C17orf107: variants seen among roughly 807,000 people sequenced by gnomAD.
C17orf107 encodes the protein uncharacterized protein C17orf107.
C17orf107 carries 9 observed loss-of-function variants against 8.9 expected under a neutral mutation model. The ratio of observed to expected loss-of-function variants is 1.02; its 90% CI spans 0.61 to 1.77. The LOEUF is 1.77. C17orf107 is among the 40% of genes most tolerant of loss of function. The pLI, the probability that C17orf107 is intolerant of heterozygous loss-of-function variation, is 0.00. For synonymous variants in C17orf107, 139 were observed against 120.3 expected (o/e 1.16, Z -1.02); for missense variants, 281 against 249.0 (o/e 1.13, Z -0.86).
At position 4,899,574 on chromosome 17, in the gene C17orf107, A is replaced by C; in HGVS notation, c.-189A>C. 6.3e-7 allele frequency: 1 copy of C among 1,586,328 alleles called. No individual in the cohort carries two copies. Reference sequence around the variant, plus strand: ...GAGCGTGGCGACCACCATGACGAAAATAAGGAACCTGAGGAGCCCGGAAGG... The same window carrying C: ...GAGCGTGGCGACCACCATGACGAAACTAAGGAACCTGAGGAGCCCGGAAGG... On this transcript the variant is annotated 5_prime_UTR_variant, in exon 1 of 3. Transcript: ENST00000381365.
Position 4,901,849 on chromosome 17 carries a change from A to G in C17orf107, c.*1316A>G. The G allele has an allele frequency of 6.4e-7, 1 of 1,563,066 alleles. No individual in the cohort carries two copies. Among genetic ancestry groups the G allele is most frequent in the Admixed American group, 1.7e-5 (1 of 59,238 alleles). Reference sequence around the variant, plus strand: ...GCCTCCAGCGCGAAGCCCCGCCCCGAGGGCGGTGCTTCCCGGTTGGCCCCG... The same window carrying G: ...GCCTCCAGCGCGAAGCCCCGCCCCGGGGGCGGTGCTTCCCGGTTGGCCCCG... On this transcript the variant is annotated 3_prime_UTR_variant, in exon 3 of 3. Transcript: ENST00000381365.
Position 4,900,892 on chromosome 17 carries a change from C to A in C17orf107, c.*359C>A, listed in dbSNP as rs745821689. The A allele has an allele frequency of 1.2e-6, 2 of 1,614,182 alleles. No individual in the cohort carries two copies. Among genetic ancestry groups the A allele is most frequent in the South Asian group, 2.2e-5 (2 of 91,092 alleles). On this transcript the variant is annotated 3_prime_UTR_variant, in exon 3 of 3. Coordinates refer to ENST00000381365, the MANE Select transcript of C17orf107 (RefSeq NM_001145536.2). Reference sequence around the variant, plus strand: ...GAGCAGGACGTTGATGGAGACCGTGCATTTCTGGCCGCCGGCTGGAGGGAG... The same window carrying A: ...GAGCAGGACGTTGATGGAGACCGTGAATTTCTGGCCGCCGGCTGGAGGGAG...
chr17:4,902,049 A>T lies in C17orf107; in HGVS notation c.*1516A>T. ...CACGGAGCCGCCCTCGTAGACGAGC[A>T]CGTTGGCGTCGTAGGCCACTCCGAA... On this transcript the variant is annotated 3_prime_UTR_variant, in exon 3 of 3. Transcript: ENST00000381365. This position sits in a 1 kb window ranked among gnomAD's most constrained non-coding sequence, Gnocchi z 4.0. 6.2e-7 allele frequency: 1 copy of T among 1,614,082 alleles called. No homozygotes were observed. Among genetic ancestry groups the T allele is most frequent in the Non-Finnish European group, 8.5e-7 (1 of 1,180,028 alleles).
Position 4,901,126 on chromosome 17 carries a change from G to A in C17orf107, c.*593G>A, listed in dbSNP as rs1224426288. 2.5e-6 allele frequency: 4 copies of A among 1,612,692 alleles called. No individual in the cohort carries two copies. The highest frequency in any genetic ancestry group is 1.7e-4 in the Middle Eastern group (1 of 6,060). On this transcript the variant is annotated 3_prime_UTR_variant, in exon 3 of 3. Transcript: ENST00000381365. ...TGACGTCAGTCTCCCCTGGGCCGTC[G>A]GTGGCGCCACCGTGGTGGCGGCGGA...
Position 4,901,297 on chromosome 17 carries a change from TC to T in C17orf107, c.*765del, listed in dbSNP as rs377339192. 1.7e-4 allele frequency: 224 copies of T among 1,288,632 alleles called. No individual in the cohort carries two copies. The African/African-American group carries it at 3.1e-3, about 18-fold the overall frequency. 79.8% of individuals were successfully genotyped at this position (1,288,632 alleles called of 1,614,324 possible). On this transcript the variant is annotated 3_prime_UTR_variant, in exon 3 of 3. Transcript: ENST00000381365. ...CTGTCTGCACCAGGGTCATGGGCCG[TC>T]AGGATGGGGGCAATTACGGACAGAA... is the stretch of plus-strand genomic sequence containing the variant.
chr17:4,900,679 C>G lies in C17orf107; in HGVS notation c.*146C>G. Reference sequence around the variant, plus strand: ...CCCCGTACCAGCCCCACCCAGCGTCCGAATAAAGCCCAGGGCGGGGCGAGA... The same window carrying G: ...CCCCGTACCAGCCCCACCCAGCGTCGGAATAAAGCCCAGGGCGGGGCGAGA... On this transcript the variant is annotated 3_prime_UTR_variant, in exon 3 of 3. Coordinates refer to ENST00000381365, the MANE Select transcript of C17orf107 (RefSeq NM_001145536.2). 6.9e-7 allele frequency: 1 copy of G among 1,449,304 alleles called. No individual in the cohort carries two copies. Among genetic ancestry groups the G allele is most frequent in the Non-Finnish European group, 9.4e-7 (1 of 1,062,346 alleles). The allele number at this position is 1,449,304 out of a possible 1,614,324, so 89.8% of individuals were successfully genotyped here. A position where few individuals can be genotyped will look rare whatever the true frequency, so the allele number is the denominator to read the frequency against.
At position 4,901,120 on chromosome 17, in the gene C17orf107, G is replaced by C; in HGVS notation, c.*587G>C. On this transcript the variant is annotated 3_prime_UTR_variant, in exon 3 of 3. Coordinates refer to ENST00000381365, the MANE Select transcript of C17orf107 (RefSeq NM_001145536.2). ...AGTAGATGACGTCAGTCTCCCCTGG[G>C]CCGTCGGTGGCGCCACCGTGGTGGC... 1 of 1,612,878 alleles carries C rather than the reference G, an allele frequency of 6.2e-7. No individual in the cohort carries two copies. The highest frequency in any genetic ancestry group is 8.5e-7 in the Non-Finnish European group (1 of 1,179,946).
Position 4,899,865 on chromosome 17 carries a change from C to T in C17orf107, c.66+37C>T. On this transcript the variant is annotated intron_variant, in intron 1 of 2. Transcript: ENST00000381365. The stretch of plus-strand genomic sequence containing the variant: ...CCCGCCAAGGGCTGCACCTCGAGAC[C>T]TTCTGGGTAGGTCTCCTGTTCGCCC... 3 of 1,549,952 alleles carry T rather than the reference C, an allele frequency of 1.9e-6. No homozygotes were observed. In the South Asian group the frequency reaches 3.6e-5, roughly 18 times the overall value.
chr17:4,905,650 CAA>C (rs1421891434), downstream of C17orf107, among the ~76,000 whole-genome samples: 5 of 152,010 alleles, frequency 3.3e-5, no homozygotes, highest in Non-Finnish European at 7.4e-5. Context: ...CACCTGAGGT[CAA>C]GAGTTCGAGA....
At chr17:4,904,034 T>G (rs1386084327), downstream of C17orf107, among the ~76,000 whole-genome samples, 1 of 151,886 alleles carries the variant, frequency 6.6e-6, no homozygotes, top group Non-Finnish European at 1.5e-5. Flanking sequence ...ATTTTTGTAT[T>G]TTTTAGTAGA....
In C17orf107 at chr17:4,900,575, G is replaced by A. The variant is rs561299262; in HGVS notation, c.*42G>A. On this transcript the variant is annotated 3_prime_UTR_variant, in exon 3 of 3. Coordinates refer to ENST00000381365, the MANE Select transcript of C17orf107 (RefSeq NM_001145536.2). The stretch of plus-strand genomic sequence containing the variant: ...GGCTAGGGAGGCACTGAGCCGGACT[G>A]TCCCCCAAGAGAGCTACTCGGGAGA... 2.3e-5 allele frequency: 35 copies of A among 1,548,990 alleles called. No individual in the cohort carries two copies. The South Asian group carries it at 2.7e-4, about 12-fold the overall frequency.
chr17:4,903,510 C>G (rs144610838), downstream of C17orf107, among the ~76,000 whole-genome samples: 4 of 152,318 alleles, frequency 2.6e-5, no homozygotes, highest in East Asian at 7.7e-4. Context: ...CACACACTAT[C>G]ACCACCCAAG....
rs1969982613 is a variant in C17orf107 at position 4,901,491 on chromosome 17, G to C, written c.*958G>C. 1 of 1,597,464 alleles carries C rather than the reference G, an allele frequency of 6.3e-7. No individual in the cohort carries two copies. Among genetic ancestry groups the C allele is most frequent in the African/African-American group, 1.3e-5 (1 of 74,588 alleles). ...AAGTCCCCTCTCTGGACCCCGTCTA[G>C]AAGCGGGTTTTTCTGAGCAGGCAGG... On this transcript the variant is annotated 3_prime_UTR_variant, in exon 3 of 3. Coordinates refer to ENST00000381365, the MANE Select transcript of C17orf107 (RefSeq NM_001145536.2).
At position 4,899,948 on chromosome 17, in the gene C17orf107, C is replaced by T. The variant is rs942954075; in HGVS notation, c.79C>T (p.Pro27Ser). The change falls in exon 2 of 3, where the codon CCC (proline) becomes TCC (serine). Residue 27 changes from proline (P) to serine (S), a missense_variant. By Grantham distance (74) the Pro-to-Ser change is moderately conservative. Transcript: ENST00000381365. ...GCTCCTTCTCCAGGTGGCCCTCCAG[C>T]CCCCGCTTCTGTCTTCCCTGGAACT... ...FHSSTEVALQ[P>S]PLLSSLELSV... 3.2e-6 allele frequency: 5 copies of T among 1,550,554 alleles called. No individual in the cohort carries two copies. The African/African-American group carries it at 5.5e-5, about 17-fold the overall frequency.
chr17:4,899,880 C>G, intron 1 of C17orf107, 52 bp downstream of exon 1: 10 of 1,548,998 alleles, frequency 6.5e-6, no homozygotes, highest in Non-Finnish European at 8.7e-6. Context: ...GGGTAGGTCT[C>G]CTGTTCGCCC....
chr17:4,900,159 G>T lies in C17orf107; in HGVS notation c.276+14G>T, dbSNP rs1199642397. The T allele has an allele frequency of 1.5e-5, 24 of 1,548,400 alleles. No individual in the cohort carries two copies. The highest frequency in any genetic ancestry group is 2.1e-5 in the Non-Finnish European group (24 of 1,145,684). ...ACCTTGTTAGAGGTGGGGTACTGGGGGGCTTAGGATACGCGGCGATCGGGT... is the reference window on the plus strand; with the variant it reads ...ACCTTGTTAGAGGTGGGGTACTGGGTGGCTTAGGATACGCGGCGATCGGGT... On this transcript the variant is annotated intron_variant, in intron 2 of 2. Coordinates refer to ENST00000381365, the MANE Select transcript of C17orf107 (RefSeq NM_001145536.2).
chr17:4,900,829 A>AT lies in C17orf107; in HGVS notation c.*300dup. 1 of 1,614,052 alleles carries AT rather than the reference A, an allele frequency of 6.2e-7. No individual in the cohort carries two copies. The highest frequency in any genetic ancestry group is 8.5e-7 in the Non-Finnish European group (1 of 1,179,972). On this transcript the variant is annotated 3_prime_UTR_variant, in exon 3 of 3. Transcript: ENST00000381365. Reference sequence around the variant, plus strand: ...CGGCACGCTCAGAGAAGTCTCTGGGATTTTCTGGGCAATGAGGAACAAGAA... The same window carrying AT: ...CGGCACGCTCAGAGAAGTCTCTGGGATTTTTCTGGGCAATGAGGAACAAGAA...
chr17:4,903,283 G>A (rs1006861346), downstream of C17orf107, among the ~76,000 whole-genome samples: 10 of 152,098 alleles, frequency 6.6e-5, no homozygotes, highest in South Asian at 2.1e-4. Flanking sequence ...CCAGCCCAGC[G>A]TCCTTTGCCT....
At position 4,902,582 on chromosome 17, in the gene C17orf107, TG is replaced by T. The variant is rs1486591656; in HGVS notation, c.*2052del. 6.2e-7 allele frequency: 1 copy of T among 1,613,564 alleles called. No homozygotes were observed. The highest frequency in any genetic ancestry group is 8.5e-7 in the Non-Finnish European group (1 of 1,179,900). ...AGAGCTCAGCGGTTGGGGCCAGAAGTGGGATTTTTGGCTTAAGATGAGGGTG... is the reference window on the plus strand; with the variant it reads ...AGAGCTCAGCGGTTGGGGCCAGAAGTGGATTTTTGGCTTAAGATGAGGGTG... On this transcript the variant is annotated 3_prime_UTR_variant, in exon 3 of 3. Transcript: ENST00000381365. The surrounding 1 kb of genome is among the most constrained non-coding windows in gnomAD (Gnocchi z 4.0).
Sources: gnomAD v4.1 joint callset for allele counts (sites outside exome capture counted in the v4.1 genomes callset) on GRCh38, gnomAD v4.1.1 for gene constraint, Gnocchi (gnomAD v3.1) non-coding constraint, MANE v1.5 for transcripts, NCBI Gene and HGNC (gene_info 2026-07-23, HGNC 2026-07-21) for gene names.